IQCJ: variants seen among roughly 807,000 people sequenced by gnomAD.
IQCJ encodes IQ domain-containing protein J.
A neutral mutation model predicts 11.0 loss-of-function variants in IQCJ; 9 were observed. The observed-to-expected ratio is 0.82, with a 90% CI of 0.49 to 1.43. The LOEUF (loss-of-function observed/expected upper bound fraction) is 1.43. Ranked by LOEUF, IQCJ falls within the 40% of genes most tolerant of loss-of-function variation. The pLI is 0.00. For missense variants in IQCJ, 146 were observed against 133.2 expected, an observed-to-expected ratio of 1.10 and a Z score of -0.47; for synonymous variants, 55 against 51.3, an observed-to-expected ratio of 1.07 and a Z score of -0.31.
At chr3:159,153,896 A>G (rs952823644) in intron 1 of IQCJ, among the ~76,000 whole-genome samples, 4 of 152,220 alleles carry the variant, frequency 2.6e-5, no homozygotes, top group Non-Finnish European at 5.9e-5. Context: ...CTATGGCGTC[A>G]GTTCCCACAG....
intron 1 of IQCJ, among the ~76,000 whole-genome samples, chr3:159,109,915 A>T (rs1395880288): frequency 6.6e-6 from 1 of 152,192 alleles, no homozygotes; most frequent in African/African-American, 2.4e-5. Context: ...ACCTATATAC[A>T]CTAACGTGTG....
chr3:159,076,422 A>G (rs1386564588), intron 1 of IQCJ, among the ~76,000 whole-genome samples: 1 of 152,086 alleles, frequency 6.6e-6, no homozygotes, highest in Non-Finnish European at 1.5e-5. Flanking sequence ...GATGTGATGG[A>G]GCTCCCTGGT....
At chr3:159,129,416 T>G (rs529009134) in intron 1 of IQCJ, among the ~76,000 whole-genome samples, 10 of 152,196 alleles carry the variant, frequency 6.6e-5, no homozygotes, top group Non-Finnish European at 1.5e-4. Context: ...GAAAATATAT[T>G]CCATTATTTG....
chr3:159,224,095 A>G (rs1311598536), intron 1 of IQCJ, among the ~76,000 whole-genome samples: 1 of 151,890 alleles, frequency 6.6e-6, no homozygotes, highest in East Asian at 1.9e-4. Context: ...AGACTTAAAG[A>G]AATGGCTGAC....
chr3:159,139,498 C>T (rs1001792117), intron 1 of IQCJ, among the ~76,000 whole-genome samples: 3 of 152,196 alleles, frequency 2.0e-5, no homozygotes, highest in Non-Finnish European at 4.4e-5. Context: ...GGTCCTCTCT[C>T]ATGAGGTCCG....
intron 1 of IQCJ, among the ~76,000 whole-genome samples, chr3:159,164,859 C>G (rs1015845042): frequency 2.6e-5 from 4 of 152,134 alleles, no homozygotes; most frequent in Admixed American, 6.5e-5. Context: ...TTCTCTAGAG[C>G]TCTTTTGGAA....
intron 1 of IQCJ, among the ~76,000 whole-genome samples, chr3:159,245,618 T>A (rs776725885): frequency 3.3e-5 from 5 of 151,992 alleles, no homozygotes; most frequent in Non-Finnish European, 7.4e-5. Context: ...CCTGCTACCA[T>A]GCCTGGCTAA....
chr3:159,236,597 G>A (rs1185546687), intron 1 of IQCJ, among the ~76,000 whole-genome samples: 1 of 152,178 alleles, frequency 6.6e-6, no homozygotes, highest in Non-Finnish European at 1.5e-5. Context: ...CTGTGGATCA[G>A]AATGCCAGCC....
At chr3:159,143,726 A>T (rs532086855) in intron 1 of IQCJ, among the ~76,000 whole-genome samples, 4 of 152,092 alleles carry the variant, frequency 2.6e-5, no homozygotes, top group African/African-American at 9.7e-5. Context: ...TAGCCAGTCA[A>T]CTCTTTCTGT....
intron 1 of IQCJ, among the ~76,000 whole-genome samples, chr3:159,075,402 G>A (rs1715844264): frequency 6.6e-6 from 1 of 152,036 alleles, no homozygotes; most frequent in Non-Finnish European, 1.5e-5. Flanking sequence ...TGCCTACATT[G>A]ACTTGTGCCT....
chr3:159,145,688 T>C (rs1293612573), intron 1 of IQCJ, among the ~76,000 whole-genome samples: 1 of 152,172 alleles, frequency 6.6e-6, no homozygotes, highest in African/African-American at 2.4e-5. Context: ...CTCTCCAACT[T>C]TCTGTCCATT....
At chr3:159,089,836 A>T (rs1462846218) in intron 1 of IQCJ, among the ~76,000 whole-genome samples, 1 of 151,454 alleles carries the variant, frequency 6.6e-6, no homozygotes, top group Non-Finnish European at 1.5e-5. Flanking sequence ...TTTTTTTCAA[A>T]GTTTTCAACT....
At chr3:159,181,987 C>A (rs1723117760) in intron 1 of IQCJ, among the ~76,000 whole-genome samples, 1 of 146,356 alleles carries the variant, frequency 6.8e-6, no homozygotes, top group Non-Finnish European at 1.5e-5. Context: ...AAAGTCCCAG[C>A]CTCTTAACAT....
chr3:159,176,111 T>C (rs140456538), intron 1 of IQCJ, among the ~76,000 whole-genome samples: 38 of 152,318 alleles, frequency 2.5e-4, no homozygotes, highest in African/African-American at 7.7e-4. Context: ...TCAAATCTTT[T>C]GTCCATGTTT....
At chr3:159,113,715 T>G (rs1718777742) in intron 1 of IQCJ, among the ~76,000 whole-genome samples, 1 of 152,128 alleles carries the variant, frequency 6.6e-6, no homozygotes, top group South Asian at 2.1e-4. Context: ...CGAGGCAGAG[T>G]GGAGAAAGCA....
At chr3:159,123,738 A>T (rs1359513436) in intron 1 of IQCJ, among the ~76,000 whole-genome samples, 1 of 152,144 alleles carries the variant, frequency 6.6e-6, no homozygotes, top group Non-Finnish European at 1.5e-5. Context: ...TAAAGAACCT[A>T]AGGAAACAAT....
At chr3:159,245,355 A>T (rs1028114985) in intron 1 of IQCJ, among the ~76,000 whole-genome samples, 11 of 152,180 alleles carry the variant, frequency 7.2e-5, no homozygotes, top group African/African-American at 2.7e-4. Flanking sequence ...TGAGTAAAAA[A>T]AAAGTCACAC....
At chr3:159,119,141 CTTG>C (rs1342218842) in intron 1 of IQCJ, among the ~76,000 whole-genome samples, 3 of 152,206 alleles carry the variant, frequency 2.0e-5, no homozygotes, top group Non-Finnish European at 4.4e-5. Flanking sequence ...TGGGTATGCT[CTTG>C]TTTGCTGCTG....
chr3:159,081,281 CA>C (rs1716291602), intron 1 of IQCJ, among the ~76,000 whole-genome samples: 1 of 152,100 alleles, frequency 6.6e-6, no homozygotes, highest in South Asian at 2.1e-4. Context: ...ACAAACTTCC[CA>C]GTAGACTCTC....
Sources: gnomAD v4.1 joint callset for allele counts (sites outside exome capture counted in the v4.1 genomes callset) on GRCh38, gnomAD v4.1.1 for gene constraint, MANE v1.5 for transcripts, NCBI Gene and HGNC (gene_info 2026-07-23, HGNC 2026-07-21) for gene names.